The following DSC2 variants were observed in gnomAD, a reference collection of about 807,000 sequenced individuals.
DSC2 encodes desmocollin-2.
A neutral mutation model predicts 87.6 loss-of-function variants in DSC2; 51 were observed. The ratio of observed to expected loss-of-function variants is 0.58; its 90% CI spans 0.46 to 0.74. The LOEUF (loss-of-function observed/expected upper bound fraction) is 0.74, where lower values mean the gene tolerates loss of function less well. Among genes scored for constraint, DSC2 ranks in the 30% least tolerant of loss-of-function variants. The pLI is 0.00. For missense variants in DSC2, 1,066 were observed against 1,089.5 expected, an observed-to-expected ratio of 0.98 and a Z score of 0.30; for synonymous variants, 383 against 393.2, an observed-to-expected ratio of 0.97 and a Z score of 0.31.
chr18:31,081,875 C>T (rs563607938), intron 9 of DSC2, among the ~76,000 whole-genome samples: 51 of 152,230 alleles, frequency 3.4e-4, no homozygotes, highest in African/African-American at 1.2e-3. Flanking sequence ...AAGAGTAACT[C>T]TTGATTTGGG....
intron 4 of DSC2, among the ~76,000 whole-genome samples, 159 bp downstream of exon 4, chr18:31,090,869 A>G (rs1268050435): frequency 6.6e-6 from 1 of 152,234 alleles, no homozygotes; most frequent in East Asian, 1.9e-4. Context: ...ATGCAAGTAT[A>G]AAGAGATATA....
intron 2 of DSC2, 151 bp from the exon 3 acceptor site, chr18:31,092,451 A>C: frequency 1.5e-6 from 1 of 677,940 alleles, no homozygotes; most frequent in South Asian, 1.7e-5. Context: ...CTATATGGTG[A>C]ATTAAGTTGT....
intron 1 of DSC2, among the ~76,000 whole-genome samples, chr18:31,096,097 T>C (rs12326722): frequency 0.22 from 33,149 of 152,048 alleles, 4,108 homozygotes; most frequent in South Asian, 0.43. Flanking sequence ...AAAGATTTAC[T>C]TGGAGCAAAT....
At chr18:31,101,836 C>G (rs949062652) in intron 1 of DSC2, 67 bp downstream of exon 1, 14 of 1,476,704 alleles carry the variant, frequency 9.5e-6, no homozygotes, top group Non-Finnish European at 1.3e-5. Flanking sequence ...TCCCCGTTCC[C>G]CTAGTTTTCC....
chr18:31,089,485 A>G lies in DSC2; in HGVS notation c.584T>C (p.Leu195Ser), dbSNP rs876657787. The G allele has an allele frequency of 6.2e-7, 1 of 1,613,892 alleles. No individual in the cohort carries two copies. The highest frequency in any genetic ancestry group is 1.3e-5 in the African/African-American group (1 of 75,006). The change falls in exon 5 of 16, where the codon TTG (leucine) becomes TCG (serine). Residue 195 changes from leucine to serine, a missense_variant. Leu to Ser is a moderately radical substitution (Grantham distance 145). Coordinates refer to ENST00000280904, the MANE Select transcript of DSC2 (RefSeq NM_024422.6). ...LFYVERDTGN[L>S]YCTRPVDREQ... ...ACGATCTACAGGACGAGTACAATAC[A>G]AGTTTCCAGTGTCTCTCTCCACATA...
chr18:31,100,865 A>G (rs1431456107), intron 1 of DSC2, among the ~76,000 whole-genome samples: 4 of 152,006 alleles, frequency 2.6e-5, no homozygotes, highest in Non-Finnish European at 5.9e-5. Flanking sequence ...GAAAAGTCCA[A>G]TCGGACTTTT....
rs1001570779 is a variant in DSC2, at chr18:31,067,506, C to T, written c.*509G>A. 6.4e-6 allele frequency: 1 copy of T among 157,354 alleles called. No homozygotes were observed. Among genetic ancestry groups the T allele is most frequent in the African/African-American group, 2.4e-5 (1 of 41,450 alleles). 9.7% of individuals were successfully genotyped at this position (157,354 alleles called of 1,614,324 possible). ...TAGTCAATGCCTGGCTAGAAATCTCCCTTTGCACAGTGAAAAGGTCACATT... is the reference window on the plus strand; with the variant it reads ...TAGTCAATGCCTGGCTAGAAATCTCTCTTTGCACAGTGAAAAGGTCACATT... On this transcript the variant is annotated 3_prime_UTR_variant, in exon 16 of 16. Transcript: ENST00000280904.
At chr18:31,074,319 C>A (rs1986930259) in intron 12 of DSC2, among the ~76,000 whole-genome samples, 1 of 151,942 alleles carries the variant, frequency 6.6e-6, no homozygotes, top group South Asian at 2.1e-4. Context: ...TCCCTTATGA[C>A]CCAGGAAACT....
At chr18:31,083,147 A>C in intron 7 of DSC2, 87 bp from the exon 8 acceptor site, 1 of 1,475,512 alleles carries the variant, frequency 6.8e-7, no homozygotes, top group Non-Finnish European at 9.2e-7. Flanking sequence ...ATTTTTTTGC[A>C]CTAAGAATTT....
In DSC2 at chr18:31,080,200, G is replaced by T. The variant is rs759593143; in HGVS notation, c.1416C>A (p.Asn472Lys). The part of the protein sequence containing the change: ...VEDQDEGPEC[N>K]PPIQTVRMKE... ...TCATGCGAACAGTCTGTATTGGAGG[G>T]TTACACTCAGGGCCCTCATCCTGAT... Residue 472 changes from asparagine to lysine, a missense_variant, in exon 10 of 16, where the codon AAC becomes AAA. Coordinates refer to ENST00000280904, the MANE Select transcript of DSC2 (RefSeq NM_024422.6). The T allele has an allele frequency of 6.2e-7, 1 of 1,613,998 alleles. No individual in the cohort carries two copies. The highest frequency in any genetic ancestry group is 8.5e-7 in the Non-Finnish European group (1 of 1,180,002).
intron 6 of DSC2, among the ~76,000 whole-genome samples, chr18:31,087,279 A>G (rs1315027648): frequency 6.6e-6 from 1 of 152,206 alleles, no homozygotes; most frequent in African/African-American, 2.4e-5. Context: ...ATCCGTACAT[A>G]TCTTTAAGAC....
intron 1 of DSC2, chr18:31,101,482 G>C (rs956645393): frequency 1.2e-3 from 164 of 137,542 alleles, no homozygotes; most frequent in African/African-American, 6.5e-3. Flanking sequence ...GGAGCCGCAC[G>C]TTCCCGGGGA....
intron 15 of DSC2, 151 bp from the exon 16 acceptor site, chr18:31,068,363 C>T (rs1393030062): frequency 1.2e-6 from 2 of 1,610,478 alleles, no homozygotes; most frequent in East Asian, 2.2e-5. Flanking sequence ...AAAAAATGCA[C>T]ATGATTGGTC....
chr18:31,089,667 T>G, intron 4 of DSC2, 73 bp from the exon 5 acceptor site: 1 of 1,417,536 alleles, frequency 7.1e-7, no homozygotes, highest in Non-Finnish European at 9.8e-7. Context: ...ATTTATGAAA[T>G]CTCATTGCCA....
intron 3 of DSC2, among the ~76,000 whole-genome samples, chr18:31,091,788 CA>C (rs1165338128): frequency 3.9e-5 from 6 of 152,018 alleles, no homozygotes; most frequent in Non-Finnish European, 8.8e-5. Context: ...TACAGAGTTT[CA>C]AAACTTGTTG....
rs727504534 is a variant in DSC2, at chr18:31,070,768, G to A, written c.2208C>T (p.Asn736=). ...KVIPDDLAQQ[N]LIVSNTEAPG... is the part of the protein sequence containing the mutation. The stretch of plus-strand genomic sequence containing the variant: ...GAGCTTCTGTGTTTGATACAATTAG[G>A]TTCTGCTGGGCTAAATCATCAGGAA... The change falls in exon 14 of 16, where the codon AAC becomes AAT. Residue 736 remains asparagine (N), a synonymous_variant. Transcript: ENST00000280904. The A allele has an allele frequency of 8.7e-6, 14 of 1,613,802 alleles. No homozygotes were observed. Among genetic ancestry groups the A allele is most frequent in the Middle Eastern group, 1.6e-4 (1 of 6,082 alleles).
rs1598564550 is a variant in DSC2 at position 31,059,941 on chromosome 18, A to C, written c.*8074T>G. The C allele has an allele frequency of 1.3e-5, 2 of 152,312 alleles. No individual in the cohort carries two copies. Among genetic ancestry groups the C allele is most frequent in the Non-Finnish European group, 2.9e-5 (2 of 68,012 alleles). 9.4% of individuals were successfully genotyped at this position (152,312 alleles called of 1,614,324 possible). A position where few individuals can be genotyped will look rare whatever the true frequency, so the allele number is the denominator to read the frequency against. On this transcript the variant is annotated 3_prime_UTR_variant, in exon 16 of 16. Coordinates refer to ENST00000280904, the MANE Select transcript of DSC2 (RefSeq NM_024422.6). The stretch of plus-strand genomic sequence containing the variant: ...GATCTTTATGTGAATTATATAATTT[A>C]TTCCTAATTTGTCCTTATTTGATAT...
In DSC2 at chr18:31,070,773, G is replaced by T; in HGVS notation, c.2203C>A (p.Gln735Lys). 1 of 1,613,936 alleles carries T rather than the reference G, an allele frequency of 6.2e-7. No individual in the cohort carries two copies. The highest frequency in any genetic ancestry group is 8.5e-7 in the Non-Finnish European group (1 of 1,179,902). ...TCTGTGTTTGATACAATTAGGTTCT[G>T]CTGGGCTAAATCATCAGGAATTACT... is the stretch of plus-strand genomic sequence containing the variant. Reference protein sequence around the residue: ...PKVIPDDLAQQNLIVSNTEAP... With the variant: ...PKVIPDDLAQKNLIVSNTEAP... The change falls in exon 14 of 16, where the codon CAG becomes AAG. Residue 735 changes from glutamine to lysine, a missense_variant. By Grantham distance (53) the Gln-to-Lys change is moderately conservative. Coordinates refer to ENST00000280904, the MANE Select transcript of DSC2 (RefSeq NM_024422.6).
Position 31,093,648 on chromosome 18 carries a change from A to T in DSC2, c.70-5T>A, listed in dbSNP as rs1298944362. The T allele has an allele frequency of 6.4e-7, 1 of 1,559,452 alleles. No homozygotes were observed. Among genetic ancestry groups the T allele is most frequent in the Non-Finnish European group, 8.7e-7 (1 of 1,145,574 alleles). ...ATCACTGGCAAATATTAAGATCTAA[A>T]AAATGAAAAAAAATCAAATAAATAT... is the stretch of plus-strand genomic sequence containing the variant. On this transcript the variant is annotated splice_polypyrimidine_tract_variant and splice_region_variant and intron_variant, in intron 1 of 15. Transcript: ENST00000280904.
Sources: gnomAD v4.1 joint callset for allele counts (sites outside exome capture counted in the v4.1 genomes callset) on GRCh38, gnomAD v4.1.1 for gene constraint, MANE v1.5 for transcripts, NCBI Gene and HGNC (gene_info 2026-07-23, HGNC 2026-07-21) for gene names.